JAKMIP1: variants seen among roughly 807,000 people sequenced by gnomAD.
JAKMIP1 encodes janus kinase and microtubule interacting protein 1.
JAKMIP1 carries 33 observed loss-of-function variants against 113.0 expected under a neutral mutation model. The ratio of observed to expected loss-of-function variants is 0.29; its 90% CI spans 0.22 to 0.39. The LOEUF (loss-of-function observed/expected upper bound fraction) is 0.39, where lower values mean the gene tolerates loss of function less well. Ranked by LOEUF, JAKMIP1 falls within the 10% of genes least tolerant of loss-of-function variation. JAKMIP1 has a pLI of 1.00. For missense variants in JAKMIP1, 813 were observed against 1,080.5 expected, an observed-to-expected ratio of 0.75 and a Z score of 3.47; for synonymous variants, 480 against 459.9, an observed-to-expected ratio of 1.04 and a Z score of -0.56.
chr4:6,039,188 G>A (rs1168722457), intron 18 of JAKMIP1, among the ~76,000 whole-genome samples: 2 of 152,162 alleles, frequency 1.3e-5, no homozygotes, highest in Non-Finnish European at 2.9e-5. Context: ...AGCATTCTTA[G>A]GGGCCCCTCA....
intron 1 of JAKMIP1, among the ~76,000 whole-genome samples, chr4:6,182,410 G>GAAAAAAAAA (rs56678982): frequency 1.7e-5 from 2 of 120,254 alleles, no homozygotes; most frequent in Non-Finnish European, 3.4e-5. Context: ...CCCTGTCTCA[G>GAAAAAAAAA]AAAAAAAAAA....
rs1382344600 is a variant in JAKMIP1 at position 6,156,717 on chromosome 4, A to G, written c.-148+43536T>C. ...TATCTCCTTCATTGAAGGCTGTAGG[A>G]TGTACAAGAAAGGTCAGTTCTGGGC... On this transcript the variant is annotated intron_variant, in intron 1 of 20. Transcript: ENST00000409021. The surrounding 1 kb of genome is among the most constrained non-coding windows in gnomAD (Gnocchi z 5.0). Among the ~76,000 whole-genome samples the G allele has an allele frequency of 6.6e-6, 1 of 152,194 alleles. No homozygotes were observed. The highest frequency in any genetic ancestry group is 1.5e-5 in the Non-Finnish European group (1 of 68,034).
In JAKMIP1 at chr4:6,088,877, G is replaced by A. The variant is rs758839536; in HGVS notation, c.625-3248C>T. Among the ~76,000 whole-genome samples the A allele has an allele frequency of 3.9e-5, 6 of 152,030 alleles. No homozygotes were observed. The highest frequency in any genetic ancestry group is 7.4e-5 in the Non-Finnish European group (5 of 68,026). ...GCATCCATTTCCCCTTCTCCCATAC[G>A]CCCAGTCTCAGCATGTGCAGTAGGA... On this transcript the variant is annotated intron_variant, in intron 3 of 20. Transcript: ENST00000409021. This position sits in a 1 kb window ranked among gnomAD's most constrained non-coding sequence, Gnocchi z 5.5.
At chr4:6,169,085 G>C (rs566672799) in intron 1 of JAKMIP1, among the ~76,000 whole-genome samples, 5 of 152,244 alleles carry the variant, frequency 3.3e-5, no homozygotes, top group African/African-American at 1.2e-4. Context: ...AATATATTAA[G>C]AATAGCTTAA....
rs535587336 is a variant in JAKMIP1 at position 6,139,873 on chromosome 4, G to A, written c.-147-26876C>T. 5.3e-5 allele frequency among the ~76,000 whole-genome samples: 8 copies of A among 152,170 alleles called. No homozygotes were observed. In the South Asian group the frequency reaches 1.7e-3, roughly 32 times the overall value. On this transcript the variant is annotated intron_variant, in intron 1 of 20. Transcript: ENST00000409021. This position sits in a 1 kb window ranked among gnomAD's most constrained non-coding sequence, Gnocchi z 5.2. Reference sequence around the variant, plus strand: ...GTGACGACGAAGGAGGAGGTCACGGGGCAGATTCCACGAGCCAAGGAATAC... The same window carrying A: ...GTGACGACGAAGGAGGAGGTCACGGAGCAGATTCCACGAGCCAAGGAATAC...
rs1209227576 is a variant in JAKMIP1 at position 6,106,639 on chromosome 4, G to T, written c.130-672C>A. On this transcript the variant is annotated intron_variant, in intron 2 of 20. Transcript: ENST00000409021. The surrounding 1 kb of genome is among the most constrained non-coding windows in gnomAD (Gnocchi z 5.9). ...TGAGCTGCCCAGGGTGAGGGATGAG[G>T]ACCCTGTGCTACCAGGCAACCCACC... Among the ~76,000 whole-genome samples the T allele has an allele frequency of 1.3e-5, 2 of 152,126 alleles. No homozygotes were observed. The highest frequency in any genetic ancestry group is 2.4e-5 in the African/African-American group (1 of 41,424).
intron 1 of JAKMIP1, among the ~76,000 whole-genome samples, chr4:6,196,344 T>G (rs1241153639): frequency 1.3e-5 from 2 of 152,162 alleles, no homozygotes; most frequent in African/African-American, 4.8e-5. Context: ...GCTCCTTCCC[T>G]GTCCCTGCCC....
At chr4:6,109,482 C>T (rs993896340) in intron 2 of JAKMIP1, among the ~76,000 whole-genome samples, 1 of 151,846 alleles carries the variant, frequency 6.6e-6, no homozygotes, top group African/African-American at 2.4e-5. Flanking sequence ...AAAACCCCCA[C>T]AAAACTGCCC....
chr4:6,151,062 C>G (rs1560281073), intron 1 of JAKMIP1, among the ~76,000 whole-genome samples: 1 of 152,186 alleles, frequency 6.6e-6, no homozygotes, highest in East Asian at 1.9e-4. Context: ...CTTCCCCAGT[C>G]TCCCACTGTC....
intron 1 of JAKMIP1, among the ~76,000 whole-genome samples, chr4:6,161,352 A>T (rs1022411730): frequency 7.1e-6 from 1 of 141,604 alleles, no homozygotes; most frequent in Non-Finnish European, 1.5e-5. Flanking sequence ...ACATTGCAAG[A>T]CTGAGCCCAC....
At chr4:6,047,662 T>C (rs1158437233) in intron 16 of JAKMIP1, among the ~76,000 whole-genome samples, 2 of 152,232 alleles carry the variant, frequency 1.3e-5, no homozygotes, top group Non-Finnish European at 2.9e-5. Flanking sequence ...CTTTACTTGA[T>C]TGAGGGATTG....
rs551072574 is a variant in JAKMIP1, at chr4:6,141,759, C to T, written c.-147-28762G>A. ...GAAAGTGGCCCCAGGACACTGATGC[C>T]GAGGATGCTGACTGTCCACTCTTCG... On this transcript the variant is annotated intron_variant, in intron 1 of 20. Coordinates refer to ENST00000409021, the MANE Select transcript of JAKMIP1 (RefSeq NM_001099433.2). This position sits in a 1 kb window ranked among gnomAD's most constrained non-coding sequence, Gnocchi z 9.4. 5.9e-5 allele frequency among the ~76,000 whole-genome samples: 9 copies of T among 152,278 alleles called. No homozygotes were observed. The highest frequency in any genetic ancestry group is 2.1e-4 in the South Asian group (1 of 4,822).
rs1051391406 is a variant in JAKMIP1 at position 6,088,355 on chromosome 4, C to T, written c.625-2726G>A. On this transcript the variant is annotated intron_variant, in intron 3 of 20. Transcript: ENST00000409021. This position sits in a 1 kb window ranked among gnomAD's most constrained non-coding sequence, Gnocchi z 5.5. Reference sequence around the variant, plus strand: ...TTGCAAACCAACAGTTTGTCCATCACGGGTAAGGGAGGGTTCTTGTCTGCC... The same window carrying T: ...TTGCAAACCAACAGTTTGTCCATCATGGGTAAGGGAGGGTTCTTGTCTGCC... 4.6e-5 allele frequency among the ~76,000 whole-genome samples: 7 copies of T among 152,172 alleles called. No homozygotes were observed. Among genetic ancestry groups the T allele is most frequent in the African/African-American group, 1.2e-4 (5 of 41,444 alleles).
chr4:6,195,180 A>G (rs1199828423), intron 1 of JAKMIP1, among the ~76,000 whole-genome samples: 2 of 152,220 alleles, frequency 1.3e-5, no homozygotes, highest in African/African-American at 4.8e-5. Flanking sequence ...GTGCTCAAAC[A>G]TAAGTCTGAT....
intron 20 of JAKMIP1, among the ~76,000 whole-genome samples, chr4:6,028,398 G>A (rs943925386): frequency 2.0e-5 from 3 of 152,176 alleles, no homozygotes; most frequent in African/African-American, 7.2e-5. Flanking sequence ...CTTGCGACCC[G>A]GCAGGGCCCT....
rs1715355331 is a variant in JAKMIP1, at chr4:6,049,174, C to T, written c.1963-252G>A. Among the ~76,000 whole-genome samples the T allele has an allele frequency of 6.6e-6, 1 of 152,088 alleles. No homozygotes were observed. The highest frequency in any genetic ancestry group is 1.5e-5 in the Non-Finnish European group (1 of 68,012). On this transcript the variant is annotated intron_variant, in intron 15 of 20. Coordinates refer to ENST00000409021, the MANE Select transcript of JAKMIP1 (RefSeq NM_001099433.2). This position sits in a 1 kb window ranked among gnomAD's most constrained non-coding sequence, Gnocchi z 7.0. ...TCCCGAGTAGCTGGGATTACAGCAG[C>T]TGGGATGCACACCACCACACCTGGA...
chr4:6,144,509 T>C (rs1201976781), intron 1 of JAKMIP1, among the ~76,000 whole-genome samples: 1 of 152,142 alleles, frequency 6.6e-6, no homozygotes, highest in Non-Finnish European at 1.5e-5. Context: ...AATCCTGCAA[T>C]ATATAAAAGA....
At chr4:6,125,709 AC>A (rs1717364163) in intron 1 of JAKMIP1, among the ~76,000 whole-genome samples, 1 of 144,130 alleles carries the variant, frequency 6.9e-6, no homozygotes, top group Non-Finnish European at 1.5e-5. Flanking sequence ...CACCATACAC[AC>A]CATACAGAAA....
chr4:6,110,974 A>C (rs1714839121), intron 2 of JAKMIP1, among the ~76,000 whole-genome samples: 1 of 151,908 alleles, frequency 6.6e-6, no homozygotes, highest in Non-Finnish European at 1.5e-5. Context: ...CATCACCAGC[A>C]TCCATGTCTA....
Sources: gnomAD v4.1 joint callset for allele counts (sites outside exome capture counted in the v4.1 genomes callset) on GRCh38, gnomAD v4.1.1 for gene constraint, Gnocchi (gnomAD v3.1) non-coding constraint, MANE v1.5 for transcripts, NCBI Gene and HGNC (gene_info 2026-07-23, HGNC 2026-07-21) for gene names.